FRMD4B: variants seen among roughly 807,000 people sequenced by gnomAD.
FRMD4B encodes the protein FERM domain containing 4B, also known as FERM domain-containing protein 4B.
FRMD4B carries 74 observed loss-of-function variants against 141.5 expected under a neutral mutation model. The ratio of observed to expected loss-of-function variants is 0.52; its 90% CI spans 0.43 to 0.63. The LOEUF (loss-of-function observed/expected upper bound fraction) is 0.63. FRMD4B is among the 30% of genes least tolerant of loss of function. The probability of loss-of-function intolerance (pLI) is 0.00; values close to 1 mark genes in which losing one functional copy is unlikely to be tolerated. For missense variants in FRMD4B, 1,366 were observed against 1,253.4 expected (o/e 1.09, Z -1.36); for synonymous variants, 506 against 467.9 (o/e 1.08, Z -1.05).
intron 1 of FRMD4B, among the ~76,000 whole-genome samples, chr3:69,319,733 G>C (rs1418233016): frequency 2.0e-5 from 3 of 152,216 alleles, no homozygotes; most frequent in African/African-American, 7.2e-5. Flanking sequence ...ACTGATGTTA[G>C]AGAGATGATA....
chr3:69,521,930 A>G (rs1173533014), intron 1 of FRMD4B, among the ~76,000 whole-genome samples: 1 of 152,170 alleles, frequency 6.6e-6, no homozygotes, highest in Non-Finnish European at 1.5e-5. Flanking sequence ...TATGGTCCTC[A>G]TGGTCACACA....
At position 69,385,915 on chromosome 3, in the gene FRMD4B, C is replaced by G; in HGVS notation, c.75G>C (p.Val25=). 1 of 1,605,476 alleles carries G rather than the reference C, an allele frequency of 6.2e-7. No homozygotes were observed. The highest frequency in any genetic ancestry group is 1.1e-5 in the South Asian group (1 of 88,822). ...SGSRFVWNLT[V]STLRRWYTER... is the part of the protein sequence containing the mutation. The stretch of plus-strand genomic sequence containing the variant: ...CCGTGTACCATCTCCGCAGCGTGGA[C>G]ACGGTCAAGTTCCATACGAAGCGGC... The change falls in exon 1 of 23, where the codon GTG becomes GTC. Residue 25 remains valine (V), a synonymous_variant. Coordinates refer to ENST00000398540, the MANE Select transcript of FRMD4B (RefSeq NM_015123.3).
At chr3:69,525,262 C>T (rs1370854948) in intron 1 of FRMD4B, among the ~76,000 whole-genome samples, 2 of 150,784 alleles carry the variant, frequency 1.3e-5, no homozygotes, top group African/African-American at 5.0e-5. Flanking sequence ...TTTTCAGACT[C>T]CCCTTTCTCA....
intron 5 of FRMD4B, among the ~76,000 whole-genome samples, chr3:69,258,207 C>T (rs1346458397): frequency 6.6e-6 from 1 of 152,162 alleles, no homozygotes; most frequent in Non-Finnish European, 1.5e-5. Context: ...CTCAAGCAAT[C>T]CTCCTCCCTC....
chr3:69,524,038 T>C (rs545251296), intron 1 of FRMD4B, among the ~76,000 whole-genome samples: 8 of 152,280 alleles, frequency 5.3e-5, no homozygotes, highest in African/African-American at 1.9e-4. Context: ...GGTAGGTATG[T>C]ATAGGAAGGA....
intron 1 of FRMD4B, among the ~76,000 whole-genome samples, chr3:69,442,002 T>C (rs1705350583): frequency 6.6e-6 from 1 of 152,196 alleles, no homozygotes; most frequent in Non-Finnish European, 1.5e-5. Flanking sequence ...TAAGTTTATT[T>C]GCATAAATCC....
chr3:69,383,711 C>T (rs2220113), intron 1 of FRMD4B, among the ~76,000 whole-genome samples: 23,527 of 152,000 alleles, frequency 0.15, 1,944 homozygotes, highest in Admixed American at 0.21. Flanking sequence ...AGGTTCATGA[C>T]GCTATACCTG....
chr3:69,429,073 A>G (rs1179414589), intron 2 of FRMD4B, among the ~76,000 whole-genome samples: 1 of 150,278 alleles, frequency 6.7e-6, no homozygotes, highest in Non-Finnish European at 1.5e-5. Flanking sequence ...GTTACTTAAT[A>G]CCTTTGAGAG....
chr3:69,212,034 A>C (rs1296751567), intron 11 of FRMD4B, among the ~76,000 whole-genome samples: 13 of 126,136 alleles, frequency 1.0e-4, no homozygotes, highest in South Asian at 2.2e-4. Flanking sequence ...ACACCCCCCA[A>C]AAAAAAAAAC....
At chr3:69,324,763 ACTTCT>A (rs1452550358) in intron 1 of FRMD4B, among the ~76,000 whole-genome samples, 1 of 152,204 alleles carries the variant, frequency 6.6e-6, no homozygotes, top group East Asian at 1.9e-4. Flanking sequence ...TGCAAAACTC[ACTTCT>A]CTTTACCCAG....
chr3:69,259,629 T>TACATATGTGTAATGAACAATA (rs1288367149), intron 5 of FRMD4B, among the ~76,000 whole-genome samples: 2 of 152,250 alleles, frequency 1.3e-5, no homozygotes, highest in African/African-American at 4.8e-5. Flanking sequence ...ATTTAATCAC[T>TACATATGTGTAATGAACAATA]GTTCATTACA....
At chr3:69,386,154 C>T (rs1704248671), upstream of FRMD4B, 1 of 632,228 alleles carries the variant, frequency 1.6e-6, no homozygotes, top group Non-Finnish European at 2.6e-6. Context: ...CAGGCTCCGG[C>T]GGCATGCCCT....
chr3:69,212,031 C>CA (rs1358931556), intron 11 of FRMD4B, among the ~76,000 whole-genome samples: 4 of 148,394 alleles, frequency 2.7e-5, no homozygotes, highest in Non-Finnish European at 6.0e-5. Flanking sequence ...TAGACACCCC[C>CA]CAAAAAAAAA....
chr3:69,445,225 A>G (rs1200945026), intron 1 of FRMD4B, among the ~76,000 whole-genome samples: 1 of 152,204 alleles, frequency 6.6e-6, no homozygotes, highest in East Asian at 1.9e-4. Flanking sequence ...TGACATTTCC[A>G]GCACCCACTT....
intron 7 of FRMD4B, among the ~76,000 whole-genome samples, chr3:69,243,435 G>A (rs1053308313): frequency 6.6e-6 from 1 of 152,350 alleles, no homozygotes; most frequent in Non-Finnish European, 1.5e-5. Context: ...ATGCACAGCA[G>A]AGAATGGGAG....
chr3:69,267,624 TATATATATATATAGAGAGAGAGAG>T (rs1559765381), intron 5 of FRMD4B, among the ~76,000 whole-genome samples: 305 of 18,320 alleles, frequency 0.017, no homozygotes, highest in East Asian at 0.05. Flanking sequence ...TATATATATA[TATATATATATATAGAGAGAGAGAG>T]AGAGAGAGAG....
intron 20 of FRMD4B, among the ~76,000 whole-genome samples, chr3:69,182,033 C>CA (rs1359885842): frequency 6.6e-6 from 1 of 151,932 alleles, no homozygotes; most frequent in African/African-American, 2.4e-5. Flanking sequence ...AAAACAAAAA[C>CA]AAAAAACCCA....
chr3:69,305,067 A>G (rs1701349051), intron 3 of FRMD4B, among the ~76,000 whole-genome samples: 1 of 152,202 alleles, frequency 6.6e-6, no homozygotes, highest in South Asian at 2.1e-4. Flanking sequence ...ATTTTACAAT[A>G]AGCCAGTGAG....
intron 1 of FRMD4B, among the ~76,000 whole-genome samples, chr3:69,529,891 T>A (rs533232463): frequency 4.6e-5 from 7 of 152,336 alleles, no homozygotes; most frequent in African/African-American, 1.7e-4. Context: ...GAGACAAATT[T>A]TGGCAGCTGT....
Sources: allele counts gnomAD v4.1 joint callset (sites outside exome capture counted in the v4.1 genomes callset), GRCh38; gene constraint gnomAD v4.1.1; transcripts MANE v1.5; gene names NCBI Gene and HGNC (gene_info 2026-07-23, HGNC 2026-07-21).